Variants in PCDHA1 observed in about 807,000 individuals in gnomAD.
PCDHA1 encodes protocadherin alpha 1.
A neutral mutation model predicts 61.3 loss-of-function variants in PCDHA1; 42 were observed. That is an observed-to-expected ratio of 0.69 (90% CI 0.54 to 0.89). PCDHA1 has a LOEUF of 0.89. Among genes scored for constraint, PCDHA1 ranks in the 40% least tolerant of loss-of-function variants. The pLI is 0.00. For missense variants in PCDHA1, 1,256 were observed against 1,235.3 expected, an observed-to-expected ratio of 1.02 and a Z score of -0.25; for synonymous variants, 610 against 553.8, an observed-to-expected ratio of 1.10 and a Z score of -1.43.
chr5:140,836,380 T>C (rs1554135890), intron 1 of PCDHA1: 1 of 1,613,746 alleles, frequency 6.2e-7, no homozygotes. Flanking sequence ...GCCACCGTGC[T>C]GGTGTCGCTG....
At chr5:140,920,516 A>G (rs2079670610) in intron 1 of PCDHA1, among the ~76,000 whole-genome samples, 1 of 152,156 alleles carries the variant, frequency 6.6e-6, no homozygotes, top group African/African-American at 2.4e-5. Flanking sequence ...GTTTTATGCA[A>G]TTCGTTAGAC....
At chr5:140,940,258 C>A (rs2092581637) in intron 1 of PCDHA1, among the ~76,000 whole-genome samples, 1 of 152,130 alleles carries the variant, frequency 6.6e-6, no homozygotes, top group South Asian at 2.1e-4. Flanking sequence ...TCAATATCTT[C>A]TGGGTTCCAC....
At chr5:140,808,711 T>G (rs1554124712) in intron 1 of PCDHA1, 2 of 1,611,994 alleles carry the variant, frequency 1.2e-6, no homozygotes, top group African/African-American at 1.3e-5. Flanking sequence ...CGAGCTACGT[T>G]TCGGTGCATG....
chr5:140,901,443 T>C (rs1288584501), intron 1 of PCDHA1, among the ~76,000 whole-genome samples: 2 of 152,202 alleles, frequency 1.3e-5, no homozygotes, highest in Non-Finnish European at 2.9e-5. Flanking sequence ...ATATCTAGTT[T>C]CCCAGCACAG....
chr5:140,790,619 C>G (rs1205360566), intron 1 of PCDHA1, among the ~76,000 whole-genome samples: 3 of 152,148 alleles, frequency 2.0e-5, no homozygotes, highest in Non-Finnish European at 2.9e-5. Context: ...ATGAGACAAA[C>G]TTTGCAGGAT....
intron 1 of PCDHA1, chr5:140,863,499 T>G: frequency 2.3e-6 from 1 of 434,624 alleles, no homozygotes; most frequent in Non-Finnish European, 4.6e-6. Context: ...CATTACGGCT[T>G]TTAGTCCTAG....
intron 1 of PCDHA1, chr5:140,870,855 G>T: frequency 3.7e-6 from 6 of 1,613,910 alleles, no homozygotes; most frequent in East Asian, 2.2e-5. Context: ...CGCGGTCGGT[G>T]GGTGCGGGCC....
intron 1 of PCDHA1, chr5:140,829,534 C>T (rs550072556): frequency 6.2e-7 from 1 of 1,613,076 alleles, no homozygotes; most frequent in Non-Finnish European, 8.5e-7. Context: ...CTGCGCGAGA[C>T]GCGGACGCGC....
At chr5:140,870,417 C>T (rs2051990915) in intron 1 of PCDHA1, 1 of 1,614,092 alleles carries the variant, frequency 6.2e-7, no homozygotes, top group Admixed American at 1.7e-5. Flanking sequence ...GGGCCACGGC[C>T]AGGGTATCCG....
At position 140,976,656 on chromosome 5, in the gene PCDHA1, C is replaced by T. The variant is rs551402825; in HGVS notation, c.2395-2293C>T. ...AATCAGACAAGTAATTTAATCTCTC[C>T]AAAGTTCAGATGTCTCATTTTTGCA... is the stretch of plus-strand genomic sequence containing the variant. On this transcript the variant is annotated intron_variant, in intron 1 of 3. Transcript: ENST00000504120. Among the ~76,000 whole-genome samples the T allele has an allele frequency of 3.3e-5, 5 of 152,272 alleles. No homozygotes were observed. The South Asian group carries it at 1.0e-3, about 32-fold the overall frequency.
chr5:140,993,694 T>C (rs1192686372), intron 3 of PCDHA1, among the ~76,000 whole-genome samples: 1 of 152,186 alleles, frequency 6.6e-6, no homozygotes, highest in African/African-American at 2.4e-5. Flanking sequence ...TCCCATAAGA[T>C]TGTAATACCA....
intron 1 of PCDHA1, among the ~76,000 whole-genome samples, chr5:140,873,187 T>C (rs1169831538): frequency 6.6e-6 from 1 of 152,214 alleles, no homozygotes; most frequent in Non-Finnish European, 1.5e-5. Context: ...ATAATATTCA[T>C]TGGCTAAAAA....
intron 1 of PCDHA1, chr5:140,821,974 T>C: frequency 6.2e-7 from 1 of 1,614,126 alleles, no homozygotes; most frequent in Non-Finnish European, 8.5e-7. Context: ...CCGGGTGGCG[T>C]CCAAGGGCCG....
rs2150323482 is a variant in PCDHA1 at position 140,841,819 on chromosome 5, C to A, written c.2394+53135C>A. Reference sequence around the variant, plus strand: ...CCGATGCAGATGTTGGAGCTAACTCCGTGTTAACCTACAGGCTTAGCTCTC... The same window carrying A: ...CCGATGCAGATGTTGGAGCTAACTCAGTGTTAACCTACAGGCTTAGCTCTC... On this transcript the variant is annotated intron_variant, in intron 1 of 3. Transcript: ENST00000504120. The A allele has an allele frequency of 3.1e-6, 5 of 1,613,874 alleles. No individual in the cohort carries two copies. The South Asian group carries it at 5.5e-5, about 18-fold the overall frequency.
At chr5:140,865,966 T>C (rs1376241258) in intron 1 of PCDHA1, 5 of 152,194 alleles carry the variant, frequency 3.3e-5, no homozygotes, top group Non-Finnish European at 2.9e-5. Context: ...TTTTGTACAA[T>C]GTGTGATTGA....
intron 1 of PCDHA1, chr5:140,807,906 C>T: frequency 6.2e-7 from 1 of 1,614,074 alleles, no homozygotes; most frequent in Non-Finnish European, 8.5e-7. Context: ...GACAATGCCC[C>T]AGCTTTTGAC....
intron 1 of PCDHA1, among the ~76,000 whole-genome samples, chr5:140,826,854 T>C (rs2150145601): frequency 0.058 from 8,891 of 152,210 alleles, 860 homozygotes; most frequent in African/African-American, 0.2. Context: ...TCTTGCAATT[T>C]CTAGGTTTAG....
rs140138948 is a variant in PCDHA1 at position 140,849,650 on chromosome 5, T to G, written c.2394+60966T>G. The G allele has an allele frequency of 0.022, 35,883 of 1,598,700 alleles. 3,605 individuals carry two copies. The highest frequency in any genetic ancestry group is 0.044 in the Middle Eastern group (261 of 5,946). On this transcript the variant is annotated intron_variant, in intron 1 of 3. Coordinates refer to ENST00000504120, the MANE Select transcript of PCDHA1 (RefSeq NM_018900.4). The stretch of plus-strand genomic sequence containing the variant: ...TAGACGCAGATGCCAACGGGCAGGT[T>G]ACCTGCTCCCTGACGCCCCACGTCC...
chr5:140,857,659 C>G lies in PCDHA1; in HGVS notation c.2394+68975C>G, dbSNP rs200404988. On this transcript the variant is annotated intron_variant, in intron 1 of 3. Transcript: ENST00000504120. ...TGCTACAGTTCCAGGTGAGCGCGCG[C>G]GATGGGGGCGTGCCGCCTCTGGGCA... is the stretch of plus-strand genomic sequence containing the variant. 3.8e-6 allele frequency: 6 copies of G among 1,596,596 alleles called. No individual in the cohort carries two copies. In the Admixed American group the frequency reaches 8.4e-5, roughly 22 times the overall value.
Sources: gnomAD v4.1 joint callset for allele counts (sites outside exome capture counted in the v4.1 genomes callset) on GRCh38, gnomAD v4.1.1 for gene constraint, MANE v1.5 for transcripts, NCBI Gene and HGNC (gene_info 2026-07-23, HGNC 2026-07-21) for gene names.